SPATA6L: variants seen among roughly 807,000 people sequenced by gnomAD.
SPATA6L encodes the protein spermatogenesis associated 6-like protein.
A neutral mutation model predicts 49.2 loss-of-function variants in SPATA6L; 68 were observed. The observed-to-expected ratio is 1.38, with a 90% CI of 1.14 to 1.69. The LOEUF is 1.69. Among genes scored for constraint, SPATA6L ranks in the 40% most tolerant of loss-of-function variants. The pLI, the probability that SPATA6L is intolerant of heterozygous loss-of-function variation, is 0.00. For missense variants in SPATA6L, 668 were observed against 464.3 expected (o/e 1.44, Z -4.03); for synonymous variants, 198 against 165.7 (o/e 1.19, Z -1.50).
chr9:4,620,509 G>A (rs1248271077), intron 7 of SPATA6L, among the ~76,000 whole-genome samples: 1 of 152,198 alleles, frequency 6.6e-6, no homozygotes, highest in Non-Finnish European at 1.5e-5. Flanking sequence ...AAGAGCCCCA[G>A]GTGATTCAAC....
In SPATA6L at chr9:4,599,715, T is replaced by C. The variant is rs1193385049; in HGVS notation, c.*1096A>G. On this transcript the variant is annotated 3_prime_UTR_variant, in exon 12 of 12. Transcript: ENST00000682582. ...GGGCAAACGAGCTCCCTTGAGCCTA[T>C]TTATAGGGCACTAATCTCATTTATG... is the stretch of plus-strand genomic sequence containing the variant. Among the ~76,000 whole-genome samples the C allele has an allele frequency of 1.3e-5, 2 of 152,180 alleles. No individual in the cohort carries two copies. The highest frequency in any genetic ancestry group is 2.9e-5 in the Non-Finnish European group (2 of 68,024).
intron 3 of SPATA6L, 73 bp downstream of exon 3, chr9:4,655,968 G>T: frequency 8.7e-7 from 1 of 1,145,126 alleles, no homozygotes; most frequent in East Asian, 2.5e-5. Flanking sequence ...GTTTAGAAAA[G>T]AGCAGAGTTT....
rs1830155331 is a variant in SPATA6L at position 4,625,417 on chromosome 9, C to G, written c.579G>C (p.Arg193Ser). 1.2e-6 allele frequency: 2 copies of G among 1,613,918 alleles called. No individual in the cohort carries two copies. Among genetic ancestry groups the G allele is most frequent in the Non-Finnish European group, 8.5e-7 (1 of 1,180,012 alleles). ...QARAPSQYSTRHFFQDQPAQL... is the reference protein window; with the variant it reads ...QARAPSQYSTSHFFQDQPAQL... The stretch of plus-strand genomic sequence containing the variant: ...GAGCTGGCTGGTCCTGGAAGAAATG[C>G]CTGGTAGAATATTGAGAGGGCGCCC... Residue 193 changes from arginine (R) to serine (S), a missense_variant, in exon 6 of 12, where the codon AGG (arginine) becomes AGC (serine). Coordinates refer to ENST00000682582, the MANE Select transcript of SPATA6L (RefSeq NM_001353486.2).
chr9:4,666,337 C>T lies in SPATA6L; in HGVS notation c.-87G>A. 2 of 1,414,906 alleles carry T rather than the reference C, an allele frequency of 1.4e-6. No homozygotes were observed. Among genetic ancestry groups the T allele is most frequent in the Non-Finnish European group, 2.0e-6 (2 of 1,004,570 alleles). 87.6% of individuals were successfully genotyped at this position (1,414,906 alleles called of 1,614,324 possible). ...AATTTTTCTTAGTTTAGCTGAATACCTAGAGCAAATGTTCCCAGAAGCTTC... is the reference window on the plus strand; with the variant it reads ...AATTTTTCTTAGTTTAGCTGAATACTTAGAGCAAATGTTCCCAGAAGCTTC... On this transcript the variant is annotated 5_prime_UTR_variant, in exon 1 of 12. Coordinates refer to ENST00000682582, the MANE Select transcript of SPATA6L (RefSeq NM_001353486.2).
chr9:4,628,323 A>T (rs926277605), intron 5 of SPATA6L: 3 of 162,144 alleles, frequency 1.9e-5, no homozygotes, highest in Non-Finnish European at 2.7e-5. Context: ...CCTTGATGTG[A>T]TTATTACATA....
At chr9:4,644,681 TCTCTCACACACACACA>T (rs975086226) in intron 3 of SPATA6L, among the ~76,000 whole-genome samples, 9 of 132,252 alleles carry the variant, frequency 6.8e-5, no homozygotes, top group Admixed American at 1.5e-4. Context: ...TCTCTCTCTC[TCTCTCACACACACACA>T]CACACACACA....
downstream of SPATA6L, among the ~76,000 whole-genome samples, chr9:4,594,305 G>T (rs1335993923): frequency 2.0e-5 from 3 of 152,200 alleles, no homozygotes; most frequent in African/African-American, 7.2e-5. Context: ...TGCCTCCCGG[G>T]TTCATGCCAT....
downstream of SPATA6L, among the ~76,000 whole-genome samples, chr9:4,597,310 AAAAC>A (rs1228979539): frequency 7.1e-6 from 1 of 140,838 alleles, no homozygotes; most frequent in Non-Finnish European, 1.5e-5. Context: ...ATAAAAAAAG[AAAAC>A]AAAATACACA....
In SPATA6L at chr9:4,621,580, C is replaced by A. The variant is rs565614290; in HGVS notation, c.772+828G>T. Among the ~76,000 whole-genome samples the A allele has an allele frequency of 2.0e-5, 3 of 152,202 alleles. No homozygotes were observed. The South Asian group carries it at 6.2e-4, about 32-fold the overall frequency. ...CTCAGCTCACTGCAACCTCTGCCTC[C>A]CGGGTTCAAGCGATTCTCCTGCCTC... On this transcript the variant is annotated intron_variant, in intron 7 of 11. Transcript: ENST00000682582.
chr9:4,617,108 A>T (rs1269578323), intron 9 of SPATA6L, among the ~76,000 whole-genome samples: 1 of 152,086 alleles, frequency 6.6e-6, no homozygotes, highest in African/African-American at 2.4e-5. Flanking sequence ...TTCCTGTAAA[A>T]ATTTCAGGGC....
At chr9:4,646,568 T>C (rs971042172) in intron 3 of SPATA6L, 2 of 1,307,970 alleles carry the variant, frequency 1.5e-6, no homozygotes, top group African/African-American at 1.5e-5. Flanking sequence ...TTCCAAAAAT[T>C]GCCACAGTCT....
At chr9:4,663,360 C>G (rs1336301631) in intron 1 of SPATA6L, 6 of 1,285,648 alleles carry the variant, frequency 4.7e-6, no homozygotes, top group Non-Finnish European at 6.6e-6. Context: ...CCCTCTTAGG[C>G]ATTTCAGGCT....
chr9:4,616,385 T>C (rs3780403), intron 9 of SPATA6L, among the ~76,000 whole-genome samples: 34,335 of 152,076 alleles, frequency 0.23, 6,297 homozygotes, highest in African/African-American at 0.5. Flanking sequence ...CTGACCACTG[T>C]TAATTGAAAG....
chr9:4,622,452 C>T lies in SPATA6L; in HGVS notation c.728G>A (p.Arg243Lys). Residue 243 changes from arginine to lysine, a missense_variant, in exon 7 of 12, where the codon AGA (arginine) becomes AAA (lysine). Physicochemically the swap from Arg to Lys is conservative, Grantham distance 26. Transcript: ENST00000682582. ...AAAGTCTGAAAACTTAGATTTTCTT[C>T]TAGACCTCCTCAAATGATGCTCTGA... ...NISEHHLRRSRRKSKFSDFPF... is the reference protein window; with the variant it reads ...NISEHHLRRSKRKSKFSDFPF... 1 of 1,613,948 alleles carries T rather than the reference C, an allele frequency of 6.2e-7. No individual in the cohort carries two copies. The highest frequency in any genetic ancestry group is 8.5e-7 in the Non-Finnish European group (1 of 1,179,948).
chr9:4,662,642 G>C lies in SPATA6L; in HGVS notation c.40-606C>G, dbSNP rs1211108379. 1.9e-6 allele frequency: 3 copies of C among 1,599,234 alleles called. No individual in the cohort carries two copies. The highest frequency in any genetic ancestry group is 1.1e-5 in the South Asian group (1 of 91,030). On this transcript the variant is annotated intron_variant, in intron 1 of 11. Coordinates refer to ENST00000682582, the MANE Select transcript of SPATA6L (RefSeq NM_001353486.2). This position sits in a 1 kb window ranked among gnomAD's most constrained non-coding sequence, Gnocchi z 4.9. The stretch of plus-strand genomic sequence containing the variant: ...CGCCCGCGCCTCCGCTGCCCGAGGA[G>C]GACCGCATGGACTTGAACCCGTCCT...
At chr9:4,660,343 C>T (rs181239899) in intron 2 of SPATA6L, among the ~76,000 whole-genome samples, 157 of 152,164 alleles carry the variant, frequency 1.0e-3, no homozygotes, top group African/African-American at 3.5e-3. Context: ...AAGAAAAAAT[C>T]AAAAAACCCC....
chr9:4,632,491 G>A (rs186010966), intron 4 of SPATA6L, among the ~76,000 whole-genome samples: 76 of 151,618 alleles, frequency 5.0e-4, no homozygotes, highest in African/African-American at 1.8e-3. Context: ...AGCTACTCAG[G>A]AAGCTGAGGC....
In SPATA6L at chr9:4,638,212, TA is replaced by T. The variant is rs1564250225; in HGVS notation, c.227-2814del. 4.8e-3 allele frequency among the ~76,000 whole-genome samples: 723 copies of T among 152,136 alleles called. 5 individuals are homozygous for T. The highest frequency in any genetic ancestry group is 0.017 in the African/African-American group (689 of 41,452). Reference sequence around the variant, plus strand: ...GAGGGAAGATGGGTGTAATTATTATTATTATTATTATTTTTTGAGACGGAGT... The same window carrying T: ...GAGGGAAGATGGGTGTAATTATTATTTTATTATTATTTTTTGAGACGGAGT... On this transcript the variant is annotated intron_variant, in intron 3 of 11. Transcript: ENST00000682582.
intron 1 of SPATA6L, chr9:4,664,863 A>G (rs1840631567): frequency 6.0e-6 from 1 of 167,148 alleles, no homozygotes; most frequent in South Asian, 2.1e-4. Flanking sequence ...TTCCCACAGC[A>G]TCCTGAATAC....
Sources: allele counts gnomAD v4.1 joint callset (sites outside exome capture counted in the v4.1 genomes callset), GRCh38; gene constraint gnomAD v4.1.1; non-coding constraint Gnocchi (gnomAD v3.1); transcripts MANE v1.5; gene names NCBI Gene and HGNC (gene_info 2026-07-23, HGNC 2026-07-21).